Variants in LGR6 observed in about 807,000 individuals in gnomAD.
The protein encoded by LGR6 is leucine rich repeat containing G protein-coupled receptor 6.
LGR6 carries 45 observed loss-of-function variants against 69.4 expected under a neutral mutation model. The ratio of observed to expected loss-of-function variants is 0.65; its 90% CI spans 0.51 to 0.83. The LOEUF is 0.83. LGR6 is among the 40% of genes least tolerant of loss of function. The probability of loss-of-function intolerance (pLI) is 0.00; values close to 1 mark genes in which losing one functional copy is unlikely to be tolerated. For missense variants in LGR6, 1,108 were observed against 1,246.7 expected (o/e 0.89, Z 1.68); for synonymous variants, 538 against 555.0 (o/e 0.97, Z 0.43).
At chr1:202,263,123 C>A (rs1358621917) in intron 4 of LGR6, among the ~76,000 whole-genome samples, 1 of 151,770 alleles carries the variant, frequency 6.6e-6, no homozygotes, top group African/African-American at 2.4e-5. Flanking sequence ...GAGTTATGAT[C>A]ATCTTTTTTT....
intron 1 of LGR6, among the ~76,000 whole-genome samples, chr1:202,205,506 A>AAC (rs1168444227): frequency 1.2e-5 from 1 of 82,460 alleles, no homozygotes; most frequent in Non-Finnish European, 2.6e-5. Context: ...CCCTGCTTCA[A>AAC]ACACACACAC....
intron 4 of LGR6, among the ~76,000 whole-genome samples, chr1:202,259,893 G>A (rs1664080568): frequency 6.6e-6 from 1 of 152,156 alleles, no homozygotes; most frequent in African/African-American, 2.4e-5. Context: ...CACAGAATGT[G>A]CCTCCCGGCT....
chr1:202,305,772 G>A (rs773639698), intron 12 of LGR6, 23 bp downstream of exon 12: 4 of 1,607,360 alleles, frequency 2.5e-6, no homozygotes, highest in Non-Finnish European at 3.4e-6. Flanking sequence ...TAGGGAAGAG[G>A]CAAAAGCACG....
At chr1:202,198,691 T>G (rs1016648835) in intron 1 of LGR6, among the ~76,000 whole-genome samples, 1 of 148,376 alleles carries the variant, frequency 6.7e-6, no homozygotes, top group East Asian at 2.0e-4. Context: ...TTTTTTTTTT[T>G]TTTTTAAGAG....
At chr1:202,234,521 A>G (rs1162724698) in intron 3 of LGR6, among the ~76,000 whole-genome samples, 1 of 152,142 alleles carries the variant, frequency 6.6e-6, no homozygotes, top group Non-Finnish European at 1.5e-5. Context: ...ACTGCTCAGC[A>G]TTTTCTGGCC....
chr1:202,304,783 C>T (rs533274769), intron 11 of LGR6, among the ~76,000 whole-genome samples, 153 bp downstream of exon 11: 10 of 152,218 alleles, frequency 6.6e-5, no homozygotes, highest in East Asian at 5.8e-4. Flanking sequence ...CCAGAAGGAC[C>T]GGGTTTGAGG....
At chr1:202,306,835 T>C (rs1241895756) in intron 12 of LGR6, 33 bp from the exon 13 acceptor site, 3 of 1,599,210 alleles carry the variant, frequency 1.9e-6, no homozygotes, top group Non-Finnish European at 2.6e-6. Context: ...GGTCTGAGCC[T>C]GCCGGCTCAT....
intron 6 of LGR6, among the ~76,000 whole-genome samples, chr1:202,288,014 G>A (rs2148209196): frequency 6.6e-6 from 1 of 151,522 alleles, no homozygotes; most frequent in Admixed American, 6.6e-5. Context: ...AAAAAAAAAA[G>A]CCAACATTCT....
chr1:202,311,791 G>A (rs1021439329), intron 16 of LGR6, among the ~76,000 whole-genome samples: 4 of 152,216 alleles, frequency 2.6e-5, no homozygotes, highest in African/African-American at 9.6e-5. Context: ...GTGCCTTCTG[G>A]TGTACATGTA....
At chr1:202,309,510 A>G (rs1056766621) in intron 15 of LGR6, among the ~76,000 whole-genome samples, 1 of 152,226 alleles carries the variant, frequency 6.6e-6, no homozygotes, top group Admixed American at 6.5e-5. Context: ...ATCTGTCCTC[A>G]CTTGGGCAGC....
At chr1:202,247,125 C>T (rs1471118892) in intron 4 of LGR6, among the ~76,000 whole-genome samples, 1 of 152,212 alleles carries the variant, frequency 6.6e-6, no homozygotes, top group Non-Finnish European at 1.5e-5. Context: ...ATCTTCAGGG[C>T]TGGGGCCCAA....
intron 1 of LGR6, chr1:202,203,886 G>T: frequency 6.2e-7 from 1 of 1,606,462 alleles, no homozygotes; most frequent in Non-Finnish European, 8.5e-7. Context: ...GTGAGTTGTT[G>T]CATGAAGCAA....
At chr1:202,197,149 T>C (rs1371688209) in intron 1 of LGR6, 1 of 519,460 alleles carries the variant, frequency 1.9e-6, no homozygotes, top group African/African-American at 2.0e-5. Context: ...CTTGACCTGG[T>C]CTCAATAAAA....
In LGR6 at chr1:202,304,633, G is replaced by A. The variant is rs762408951; in HGVS notation, c.1070+3G>A. On this transcript the variant is annotated splice_donor_region_variant and intron_variant, in intron 11 of 17. Coordinates refer to ENST00000367278, the MANE Select transcript of LGR6 (RefSeq NM_001017403.2). ...CAGCTGCCCAGGCTCCGAGTCCTGT[G>A]AGTGCTCACAAGAATTCTACAGTCT... 4 of 1,606,786 alleles carry A rather than the reference G, an allele frequency of 2.5e-6. No individual in the cohort carries two copies. The Admixed American group carries it at 6.7e-5, about 27-fold the overall frequency.
At chr1:202,309,725 G>C (rs1653560707) in intron 15 of LGR6, among the ~76,000 whole-genome samples, 1 of 152,236 alleles carries the variant, frequency 6.6e-6, no homozygotes, top group African/African-American at 2.4e-5. Context: ...ACCAAATCCA[G>C]CTCCAATATG....
chr1:202,267,489 C>G (rs1410076019), intron 4 of LGR6, among the ~76,000 whole-genome samples: 1 of 152,106 alleles, frequency 6.6e-6, no homozygotes, highest in Non-Finnish European at 1.5e-5. Context: ...CCTTTCAGGA[C>G]AAGCTCTGAT....
chr1:202,234,045 T>A (rs891619990), intron 3 of LGR6, among the ~76,000 whole-genome samples: 1 of 152,136 alleles, frequency 6.6e-6, no homozygotes, highest in Non-Finnish European at 1.5e-5. Context: ...GAAGCAAAAC[T>A]CTGTAACTGG....
At chr1:202,266,906 A>G (rs72748718) in intron 4 of LGR6, among the ~76,000 whole-genome samples, 86 of 117,174 alleles carry the variant, frequency 7.3e-4, no homozygotes, top group Admixed American at 4.9e-3. Context: ...TAACGCGCGC[A>G]CACACACACA....
intron 4 of LGR6, among the ~76,000 whole-genome samples, chr1:202,246,454 T>C (rs1240416336): frequency 7.7e-6 from 1 of 130,010 alleles, no homozygotes; most frequent in African/African-American, 2.9e-5. Flanking sequence ...CATGCATCCA[T>C]CCCCCCATCT....
Sources: allele counts gnomAD v4.1 joint callset (sites outside exome capture counted in the v4.1 genomes callset), GRCh38; gene constraint gnomAD v4.1.1; transcripts MANE v1.5; gene names NCBI Gene and HGNC (gene_info 2026-07-23, HGNC 2026-07-21).